PSMA1: variants seen among roughly 807,000 people sequenced by gnomAD.
PSMA1 encodes proteasome subunit alpha type-1.
Under a neutral mutation model 38.4 loss-of-function variants are expected in PSMA1, and 3 were observed. That is an observed-to-expected ratio of 0.08 (90% CI 0.04 to 0.20). PSMA1 has a LOEUF of 0.20. Among genes scored for constraint, PSMA1 ranks in the 10% least tolerant of loss-of-function variants. PSMA1 has a pLI of 1.00. For missense variants in PSMA1, 227 were observed against 325.3 expected, an observed-to-expected ratio of 0.70 and a Z score of 2.32; for synonymous variants, 101 against 107.1, an observed-to-expected ratio of 0.94 and a Z score of 0.35.
intron 1 of PSMA1, among the ~76,000 whole-genome samples, chr11:14,640,535 G>A (rs1434067728): frequency 1.3e-5 from 2 of 151,998 alleles, no homozygotes; most frequent in Non-Finnish European, 1.5e-5. Context: ...TACAAATCTC[G>A]GCATATAGTG....
chr11:14,596,972 C>T (rs12798908), intron 2 of PSMA1, among the ~76,000 whole-genome samples: 6 of 152,240 alleles, frequency 3.9e-5, no homozygotes, highest in South Asian at 4.1e-4. Flanking sequence ...TGAATTTTGT[C>T]GAAGGCCTTT....
At chr11:14,580,946 A>G (rs1219766290) in intron 2 of PSMA1, among the ~76,000 whole-genome samples, 5 of 152,222 alleles carry the variant, frequency 3.3e-5, no homozygotes, top group African/African-American at 7.2e-5. Context: ...ACCAGTGGCA[A>G]CACATCAGGA....
Position 14,556,719 on chromosome 11 carries a change from T to C in PSMA1, c.22-37678A>G, listed in dbSNP as rs185987168. On this transcript the variant is annotated intron_variant, in intron 2 of 10. Transcript: ENST00000418988. ...AAATCTGTTATCCATTTTGAGTTAG[T>C]TTTTCTATAGGGTGTGAAGTTTAGG... Among the ~76,000 whole-genome samples the C allele has an allele frequency of 3.2e-4, 48 of 152,334 alleles. No homozygotes were observed. The East Asian group carries it at 8.9e-3, about 28-fold the overall frequency.
intron 2 of PSMA1, among the ~76,000 whole-genome samples, chr11:14,587,860 C>A (rs1665308756): frequency 6.6e-6 from 1 of 152,072 alleles, no homozygotes; most frequent in Admixed American, 6.6e-5. Flanking sequence ...TTATATACTC[C>A]CTGACAGCAT....
At chr11:14,522,363 A>G (rs1345426382), upstream of PSMA1, among the ~76,000 whole-genome samples, 1 of 152,166 alleles carries the variant, frequency 6.6e-6, no homozygotes, top group Non-Finnish European at 1.5e-5. Flanking sequence ...TGTGTGCATA[A>G]TTACCTTACC....
At chr11:14,630,560 G>C (rs565353100) in intron 1 of PSMA1, among the ~76,000 whole-genome samples, 1 of 151,756 alleles carries the variant, frequency 6.6e-6, no homozygotes, top group Admixed American at 6.6e-5. Context: ...TGCTGGATTC[G>C]GTTTGCCAGT....
intron 2 of PSMA1, among the ~76,000 whole-genome samples, chr11:14,584,507 G>GTTTTTTTT (rs58620375): frequency 4.8e-5 from 6 of 124,796 alleles, no homozygotes; most frequent in African/African-American, 9.7e-5. Flanking sequence ...TTTGTTTTTT[G>GTTTTTTTT]TTTTTTTTTT....
intron 2 of PSMA1, among the ~76,000 whole-genome samples, chr11:14,595,801 T>C (rs1590003698): frequency 6.6e-6 from 1 of 152,314 alleles, no homozygotes; most frequent in Middle Eastern, 3.4e-3. Context: ...GGTGTTTTAG[T>C]CATGAAGTCC....
intron 2 of PSMA1, among the ~76,000 whole-genome samples, chr11:14,526,622 C>T (rs1242788989): frequency 6.6e-6 from 1 of 152,178 alleles, no homozygotes; most frequent in East Asian, 1.9e-4. Flanking sequence ...CCAGATCCTT[C>T]AGCTGTACTC....
chr11:14,597,706 G>A (rs1374183590), intron 2 of PSMA1, among the ~76,000 whole-genome samples: 2 of 152,108 alleles, frequency 1.3e-5, no homozygotes, highest in Non-Finnish European at 2.9e-5. Context: ...CCAGCCCCTA[G>A]ATTCATTGAC....
At chr11:14,510,416 G>A (rs1851325422) in intron 8 of PSMA1, among the ~76,000 whole-genome samples, 2 of 151,674 alleles carry the variant, frequency 1.3e-5, no homozygotes, top group Admixed American at 6.6e-5. Context: ...TCCTTTTAAC[G>A]CTTTTTTATT....
At chr11:14,625,950 G>A (rs1852904146) in intron 1 of PSMA1, among the ~76,000 whole-genome samples, 1 of 152,186 alleles carries the variant, frequency 6.6e-6, no homozygotes, top group African/African-American at 2.4e-5. Flanking sequence ...GAAGAAGACA[G>A]ACTTAGAATC....
chr11:14,541,662 G>A (rs1327581140), intron 2 of PSMA1, among the ~76,000 whole-genome samples: 2 of 152,204 alleles, frequency 1.3e-5, no homozygotes, highest in African/African-American at 2.4e-5. Context: ...TGGAGAAAGA[G>A]GCACTAGGGA....
At chr11:14,592,624 A>T (rs946492049) in intron 2 of PSMA1, among the ~76,000 whole-genome samples, 1 of 152,094 alleles carries the variant, frequency 6.6e-6, no homozygotes, top group African/African-American at 2.4e-5. Context: ...TGACCTTGTG[A>T]TCCGCCCGCC....
rs57452255 is a variant in PSMA1, at chr11:14,546,026, G to C, written c.22-26985C>G. ...TTCTGTCTCTAGACTCCTTTGGGGG[G>C]GTCCATCAAGCTCAAGTTAAAAACC... is the stretch of plus-strand genomic sequence containing the variant. On this transcript the variant is annotated intron_variant, in intron 2 of 10. Transcript: ENST00000418988. Among the ~76,000 whole-genome samples the C allele has an allele frequency of 1.0e-3, 152 of 152,242 alleles. 1 individual carries two copies. The East Asian group carries it at 0.023, about 23-fold the overall frequency.
At position 14,513,631 on chromosome 11, in the gene PSMA1, A is replaced by G. The variant is rs762179707; in HGVS notation, c.483T>C (p.Ile161=). Reference sequence around the variant, plus strand: ...TACGAGCTGATTGGGAACGGGCTCCAATGGACATGGCTCTGCAGTCAAAAT... The same window carrying G: ...TACGAGCTGATTGGGAACGGGCTCCGATGGACATGGCTCTGCAGTCAAAAT... ...ANYFDCRAMS[I]GARSQSARTY... The change falls in exon 7 of 10, where the codon ATT becomes ATC. Residue 161 remains isoleucine (I), a synonymous_variant. Transcript: ENST00000396394. 1.7e-5 allele frequency: 27 copies of G among 1,597,018 alleles called. No individual in the cohort carries two copies. In the South Asian group the frequency reaches 1.7e-4, roughly 10 times the overall value.
In PSMA1 at chr11:14,578,234, T is replaced by A. The variant is rs982918529; in HGVS notation, c.21+32732A>T. Among the ~76,000 whole-genome samples, 4 of 152,222 alleles carry A rather than the reference T, an allele frequency of 2.6e-5. No homozygotes were observed. In the East Asian group the frequency reaches 5.8e-4, roughly 22 times the overall value. Reference sequence around the variant, plus strand: ...AGCTTAAAGTATAATTAAAAAAAAATAGTCTCCCAATCTGGAGTTCTGGTC... The same window carrying A: ...AGCTTAAAGTATAATTAAAAAAAAAAAGTCTCCCAATCTGGAGTTCTGGTC... On this transcript the variant is annotated intron_variant, in intron 2 of 10. Transcript: ENST00000418988.
chr11:14,544,504 G>A (rs1485819630), intron 2 of PSMA1, among the ~76,000 whole-genome samples: 1 of 152,100 alleles, frequency 6.6e-6, no homozygotes, highest in East Asian at 1.9e-4. Context: ...TAAAGAATGG[G>A]CTAAGGTTTT....
intron 4 of PSMA1, among the ~76,000 whole-genome samples, chr11:14,517,155 A>C (rs1851443790): frequency 6.6e-6 from 1 of 152,210 alleles, no homozygotes; most frequent in Admixed American, 6.5e-5. Context: ...GATAAACTAC[A>C]TTTGAGTTTA....
Sources: gnomAD v4.1 joint callset for allele counts (sites outside exome capture counted in the v4.1 genomes callset) on GRCh38, gnomAD v4.1.1 for gene constraint, MANE v1.5 for transcripts, NCBI Gene and HGNC (gene_info 2026-07-23, HGNC 2026-07-21) for gene names.